Variants in RAB20 observed in about 807,000 individuals in gnomAD.
RAB20 encodes RAB20, member RAS oncogene family.
Under a neutral mutation model 3.7 loss-of-function variants are expected in RAB20, and 2 were observed. That is an observed-to-expected ratio of 0.54 (90% CI 0.22 to 1.69). The LOEUF (loss-of-function observed/expected upper bound fraction) is 1.69, where lower values mean the gene tolerates loss of function less well. Ranked by LOEUF, RAB20 falls within the 40% of genes most tolerant of loss-of-function variation. RAB20 has a pLI of 0.19. For synonymous variants in RAB20, 126 were observed against 130.8 expected (o/e 0.96, Z 0.25); for missense variants, 276 against 311.9 (o/e 0.88, Z 0.87).
intron 1 of RAB20, among the ~76,000 whole-genome samples, chr13:110,537,972 A>C (rs571359648): frequency 1.5e-3 from 232 of 152,306 alleles, no homozygotes; most frequent in Non-Finnish European, 2.5e-3. Flanking sequence ...AGGATGGATC[A>C]GGAAAAAAAG....
chr13:110,541,882 TACTC>T (rs1394013255), intron 1 of RAB20, among the ~76,000 whole-genome samples: 44 of 151,448 alleles, frequency 2.9e-4, no homozygotes, highest in Middle Eastern at 3.4e-3. Flanking sequence ...CACATACACA[TACTC>T]ACAGTTGCAT....
rs1219851201 is a variant in RAB20 at position 110,561,504 on chromosome 13, T to A, written c.16A>T (p.Ser6Cys). 1.9e-6 allele frequency: 3 copies of A among 1,582,420 alleles called. No individual in the cohort carries two copies. Among genetic ancestry groups the A allele is most frequent in the Non-Finnish European group, 2.6e-6 (3 of 1,164,696 alleles). Residue 6 changes from serine (S) to cysteine (C), a missense_variant, in exon 1 of 2, where the codon AGC becomes TGC. Ser to Cys is a moderately radical substitution (Grantham distance 112). Coordinates refer to ENST00000267328, the MANE Select transcript of RAB20 (RefSeq NM_017817.3). MRKPD[S>C]KIVLLGDMNV... ...ATGTCCCCCAGGAGCACGATCTTGC[T>A]GTCGGGCTTCCTCATCTTCCCGTAA...
chr13:110,560,989 A>C (rs1294959651), intron 1 of RAB20, among the ~76,000 whole-genome samples: 1 of 152,242 alleles, frequency 6.6e-6, no homozygotes, highest in Non-Finnish European at 1.5e-5. Context: ...ATCTCAAAGG[A>C]TATCATGTTC....
chr13:110,544,003 C>T lies in RAB20; in HGVS notation c.172+17345G>A, dbSNP rs1324314664. On this transcript the variant is annotated intron_variant, in intron 1 of 1. Transcript: ENST00000267328. ...TTGGCCAGGCTGGTCTCAAACTCCTCCTGACTTAAGCGATCCACCCACGTC... is the reference window on the plus strand; with the variant it reads ...TTGGCCAGGCTGGTCTCAAACTCCTTCTGACTTAAGCGATCCACCCACGTC... Among the ~76,000 whole-genome samples the T allele has an allele frequency of 5.3e-5, 8 of 152,024 alleles. No individual in the cohort carries two copies. The East Asian group carries it at 1.5e-3, about 29-fold the overall frequency.
At chr13:110,535,236 C>T (rs976176111) in intron 1 of RAB20, among the ~76,000 whole-genome samples, 1 of 152,232 alleles carries the variant, frequency 6.6e-6, no homozygotes, top group Non-Finnish European at 1.5e-5. Context: ...GAACTAGCCA[C>T]ATCTCTAAGT....
In RAB20 at chr13:110,555,486, G is replaced by A. The variant is rs748835018; in HGVS notation, c.172+5862C>T. Among the ~76,000 whole-genome samples, 4 of 152,196 alleles carry A rather than the reference G, an allele frequency of 2.6e-5. No homozygotes were observed. Among genetic ancestry groups the A allele is most frequent in the Admixed American group, 6.5e-5 (1 of 15,286 alleles). ...ATCAGCATCCTCTAAAGAGGCCAGA[G>A]GCTGGGCCCATCTCTCTTCCACATC... On this transcript the variant is annotated intron_variant, in intron 1 of 1. Transcript: ENST00000267328. The surrounding 1 kb of genome is among the most constrained non-coding windows in gnomAD (Gnocchi z 4.0).
chr13:110,559,126 T>A (rs1194091590), intron 1 of RAB20, among the ~76,000 whole-genome samples: 1 of 152,172 alleles, frequency 6.6e-6, no homozygotes, highest in Non-Finnish European at 1.5e-5. Context: ...CCTTGCAGGC[T>A]ACAAGCAGCC....
chr13:110,558,582 A>G (rs1885078882), intron 1 of RAB20, among the ~76,000 whole-genome samples: 1 of 150,970 alleles, frequency 6.6e-6, no homozygotes, highest in Admixed American at 6.6e-5. Context: ...CGGGTTCACC[A>G]CATTAACCAG....
At chr13:110,549,416 CTG>C (rs756596658) in intron 1 of RAB20, among the ~76,000 whole-genome samples, 23 of 152,264 alleles carry the variant, frequency 1.5e-4, no homozygotes, top group Non-Finnish European at 2.4e-4. Flanking sequence ...GAACTCACCA[CTG>C]TGTCTTTTCA....
chr13:110,523,631 C>A lies in RAB20; in HGVS notation c.*34G>T. The A allele has an allele frequency of 6.2e-7, 1 of 1,600,738 alleles. No individual in the cohort carries two copies. The highest frequency in any genetic ancestry group is 8.5e-7 in the Non-Finnish European group (1 of 1,171,238). Reference sequence around the variant, plus strand: ...CTTGCCTGGTCAGACCCCTTCCCAACATGCACAGTCTGAGTCCAGGAGGCC... The same window carrying A: ...CTTGCCTGGTCAGACCCCTTCCCAAAATGCACAGTCTGAGTCCAGGAGGCC... On this transcript the variant is annotated 3_prime_UTR_variant, in exon 2 of 2. Coordinates refer to ENST00000267328, the MANE Select transcript of RAB20 (RefSeq NM_017817.3).
intron 1 of RAB20, among the ~76,000 whole-genome samples, chr13:110,554,954 G>A (rs973543808): frequency 1.3e-5 from 2 of 149,970 alleles, no homozygotes. Context: ...GGGTTCCCAA[G>A]GGCAGGAAGA....
At chr13:110,551,807 A>G (rs1884956253) in intron 1 of RAB20, among the ~76,000 whole-genome samples, 1 of 151,886 alleles carries the variant, frequency 6.6e-6, no homozygotes, top group Non-Finnish European at 1.5e-5. Flanking sequence ...TCAGCCAGGC[A>G]TGGTAGCTCA....
chr13:110,535,873 C>T (rs796658016), intron 1 of RAB20, among the ~76,000 whole-genome samples: 1 of 152,244 alleles, frequency 6.6e-6, no homozygotes, highest in Non-Finnish European at 1.5e-5. Flanking sequence ...GGAAACAGCA[C>T]TTTCTGTTTA....
intron 1 of RAB20, among the ~76,000 whole-genome samples, chr13:110,554,248 C>CG (rs1885002272): frequency 6.6e-6 from 1 of 152,220 alleles, no homozygotes; most frequent in African/African-American, 2.4e-5. Flanking sequence ...TCAAAAGTGC[C>CG]GAATGTCAGC....
chr13:110,526,580 T>C (rs1027189131), intron 1 of RAB20, among the ~76,000 whole-genome samples: 2 of 152,212 alleles, frequency 1.3e-5, no homozygotes, highest in African/African-American at 4.8e-5. Context: ...ACTGGGGTCA[T>C]AAACCAAATT....
chr13:110,544,026 G>A (rs576021352), intron 1 of RAB20, among the ~76,000 whole-genome samples: 191 of 152,044 alleles, frequency 1.3e-3, no homozygotes, highest in African/African-American at 4.2e-3. Flanking sequence ...ATCCACCCAC[G>A]TCAGCCTCCC....
At position 110,558,742 on chromosome 13, in the gene RAB20, G is replaced by A. The variant is rs566755699; in HGVS notation, c.172+2606C>T. On this transcript the variant is annotated intron_variant, in intron 1 of 1. Transcript: ENST00000267328. ...TGAGACAGAGTCTCGCTCTGTCACC[G>A]GGTTGGAGTGCAGTGGCACAATCTT... is the stretch of plus-strand genomic sequence containing the variant. Among the ~76,000 whole-genome samples, 25 of 134,484 alleles carry A rather than the reference G, an allele frequency of 1.9e-4. No individual in the cohort carries two copies. In the South Asian group the frequency reaches 3.3e-3, roughly 18 times the overall value. The allele number at this position is 134,484 out of a possible 152,430, so 88.2% of individuals were successfully genotyped here.
intron 1 of RAB20, among the ~76,000 whole-genome samples, chr13:110,552,986 G>T (rs376919354): frequency 1.4e-4 from 22 of 152,322 alleles, no homozygotes; most frequent in Admixed American, 5.9e-4. Context: ...TGCAATCTCC[G>T]AGTATAATGT....
At chr13:110,537,726 C>A (rs1347302142) in intron 1 of RAB20, among the ~76,000 whole-genome samples, 2 of 129,384 alleles carry the variant, frequency 1.5e-5, no homozygotes, top group African/African-American at 3.5e-5. Context: ...ACAGCTGACG[C>A]CCTTGAGCCC....
Sources: gnomAD v4.1 joint callset for allele counts (sites outside exome capture counted in the v4.1 genomes callset) on GRCh38, gnomAD v4.1.1 for gene constraint, Gnocchi (gnomAD v3.1) non-coding constraint, MANE v1.5 for transcripts, NCBI Gene and HGNC (gene_info 2026-07-23, HGNC 2026-07-21) for gene names.